HEPHL1: variants seen among roughly 807,000 people sequenced by gnomAD.
HEPHL1 encodes ferroxidase HEPHL1.
A neutral mutation model predicts 122.0 loss-of-function variants in HEPHL1; 123 were observed. The observed-to-expected ratio is 1.01, with a 90% confidence interval of 0.87 to 1.17. The LOEUF is 1.17. Ranked by LOEUF, HEPHL1 falls within the 50% of genes most tolerant of loss-of-function variation. HEPHL1 has a pLI of 0.00. For missense variants in HEPHL1, 1,452 were observed against 1,430.5 expected, an observed-to-expected ratio of 1.01 and a Z score of -0.24; for synonymous variants, 527 against 508.9, an observed-to-expected ratio of 1.04 and a Z score of -0.48.
At chr11:94,029,434 C>T (rs1383593680) in intron 1 of HEPHL1, among the ~76,000 whole-genome samples, 2 of 152,176 alleles carry the variant, frequency 1.3e-5, no homozygotes, top group East Asian at 1.9e-4. Context: ...AGCAGAATCA[C>T]TGTGGTCTTC....
intron 12 of HEPHL1, 50 bp downstream of exon 12, chr11:94,089,018 C>A (rs752971818): frequency 4.6e-6 from 7 of 1,522,226 alleles, no homozygotes; most frequent in Non-Finnish European, 5.5e-6. Context: ...GCGCATGCTC[C>A]GTAGGTCTTT....
intron 1 of HEPHL1, among the ~76,000 whole-genome samples, chr11:94,022,508 C>G (rs574319552): frequency 6.6e-6 from 1 of 152,318 alleles, no homozygotes; most frequent in Non-Finnish European, 1.5e-5. Flanking sequence ...AGCCAGGGCC[C>G]CTTGTCTTTG....
chr11:94,045,943 G>A, intron 2 of HEPHL1, 26 bp downstream of exon 2: 4 of 1,604,312 alleles, frequency 2.5e-6, no homozygotes, highest in South Asian at 1.1e-5. Flanking sequence ...TTATTACTGG[G>A]GTCTTGTCTC....
intron 2 of HEPHL1, among the ~76,000 whole-genome samples, chr11:94,061,968 T>C (rs1356407763): frequency 6.6e-6 from 1 of 152,156 alleles, no homozygotes; most frequent in Non-Finnish European, 1.5e-5. Context: ...TAATATATAT[T>C]AACTCTATAT....
At position 94,093,607 on chromosome 11, in the gene HEPHL1, C is replaced by G; in HGVS notation, c.2401C>G (p.Arg801Gly). ...TDGEFVEIKARPPREEHLELL... is the reference protein window; with the variant it reads ...TDGEFVEIKAGPPREEHLELL... Reference sequence around the variant, plus strand: ...TGGAGAATTTGTGGAGATCAAAGCCCGACCACCACGAGAGGAGCACTTAGA... The same window carrying G: ...TGGAGAATTTGTGGAGATCAAAGCCGGACCACCACGAGAGGAGCACTTAGA... Residue 801 changes from arginine (R) to glycine (G), a missense_variant, in exon 13 of 20, where the codon CGA becomes GGA. Coordinates refer to ENST00000315765, the MANE Select transcript of HEPHL1 (RefSeq NM_001098672.2). The G allele has an allele frequency of 1.2e-6, 2 of 1,613,460 alleles. No individual in the cohort carries two copies. Among genetic ancestry groups the G allele is most frequent in the Non-Finnish European group, 1.7e-6 (2 of 1,179,756 alleles).
rs146474207 is a variant in HEPHL1 at position 94,058,964 on chromosome 11, T to C, written c.416-4544T>C. 3.5e-3 allele frequency among the ~76,000 whole-genome samples: 538 copies of C among 152,192 alleles called. 1 individual carries two copies. Among genetic ancestry groups the C allele is most frequent in the Non-Finnish European group, 5.9e-3 (400 of 67,988 alleles). On this transcript the variant is annotated intron_variant, in intron 2 of 19. Coordinates refer to ENST00000315765, the MANE Select transcript of HEPHL1 (RefSeq NM_001098672.2). ...CACTAAATTAGTTCAAAATAGAAAA[T>C]TAAAGTGCCAAATGAACATGGTTAG...
intron 1 of HEPHL1, among the ~76,000 whole-genome samples, chr11:94,035,059 C>G (rs1945709237): frequency 6.6e-6 from 1 of 152,186 alleles, no homozygotes. Flanking sequence ...ATGCCTTAGC[C>G]AAGCACTCAA....
At chr11:94,096,707 G>T (rs1946319036) in intron 13 of HEPHL1, among the ~76,000 whole-genome samples, 1 of 152,160 alleles carries the variant, frequency 6.6e-6, no homozygotes, top group South Asian at 2.1e-4. Context: ...CACGTTATTG[G>T]TCTATTCAGT....
At position 94,101,210 on chromosome 11, in the gene HEPHL1, C is replaced by A. The variant is rs1946364641; in HGVS notation, c.2450C>A (p.Ala817Asp). 2.5e-6 allele frequency: 4 copies of A among 1,613,886 alleles called. No individual in the cohort carries two copies. The highest frequency in any genetic ancestry group is 2.5e-6 in the Non-Finnish European group (3 of 1,179,830). ...TTGCCTTTAGGCCCAATGATTCATG[C>A]TGAGGTGGGCAACACCGTCCTGATC... is the stretch of plus-strand genomic sequence containing the variant. ...HLELLGPMIH[A>D]EVGNTVLIIF... The change falls in exon 14 of 20, where the codon GCT (alanine) becomes GAT (aspartate). Residue 817 changes from alanine (A) to aspartate (D), a missense_variant. Ala to Asp is a moderately radical substitution (Grantham distance 126). Coordinates refer to ENST00000315765, the MANE Select transcript of HEPHL1 (RefSeq NM_001098672.2).
rs373980077 is a variant in HEPHL1, at chr11:94,093,660, C to T, written c.2434+20C>T. On this transcript the variant is annotated intron_variant, in intron 13 of 19. Coordinates refer to ENST00000315765, the MANE Select transcript of HEPHL1 (RefSeq NM_001098672.2). ...TCCTGGGTATGGCACAGATTTCAGG[C>T]GTGCACTGTCAGCCCCAAGCATGTG... is the stretch of plus-strand genomic sequence containing the variant. 8.7e-6 allele frequency: 14 copies of T among 1,606,234 alleles called. No individual in the cohort carries two copies. The highest frequency in any genetic ancestry group is 6.7e-5 in the East Asian group (3 of 44,760).
At chr11:94,026,826 T>C (rs1238205184) in intron 1 of HEPHL1, among the ~76,000 whole-genome samples, 2 of 152,196 alleles carry the variant, frequency 1.3e-5, no homozygotes, top group African/African-American at 4.8e-5. Flanking sequence ...CATTTAGAAT[T>C]CTTGCCCCAC....
chr11:94,094,186 C>T (rs1475468496), intron 13 of HEPHL1, among the ~76,000 whole-genome samples: 3 of 151,340 alleles, frequency 2.0e-5, no homozygotes, highest in Admixed American at 2.0e-4. Context: ...GTGTGATGTT[C>T]CCCTTCCTGT....
At chr11:94,064,688 G>T (rs980512855) in intron 4 of HEPHL1, among the ~76,000 whole-genome samples, 178 bp downstream of exon 4, 2 of 152,166 alleles carry the variant, frequency 1.3e-5, no homozygotes, top group African/African-American at 4.8e-5. Context: ...AACAATCTGA[G>T]GGGGACAGAG....
chr11:94,072,299 C>A (rs1946080763), intron 6 of HEPHL1, among the ~76,000 whole-genome samples: 1 of 151,864 alleles, frequency 6.6e-6, no homozygotes, highest in African/African-American at 2.4e-5. Context: ...GTGATTAGGG[C>A]ATGAACTGGG....
chr11:94,088,637 T>C, intron 11 of HEPHL1, 118 bp from the exon 12 acceptor site: 3 of 758,510 alleles, frequency 4.0e-6, no homozygotes, highest in Non-Finnish European at 6.3e-6. Context: ...ACAACTGGTA[T>C]TTTAAAAATC....
chr11:94,069,395 A>G (rs1486295219), intron 5 of HEPHL1, among the ~76,000 whole-genome samples: 2 of 152,166 alleles, frequency 1.3e-5, no homozygotes, highest in African/African-American at 2.4e-5. Context: ...TGCTGGGATT[A>G]TAGGCATGAG....
At chr11:94,076,371 C>T (rs2077381678) in intron 9 of HEPHL1, among the ~76,000 whole-genome samples, 1 of 152,168 alleles carries the variant, frequency 6.6e-6, no homozygotes, top group Admixed American at 6.6e-5. Context: ...CAGTAAAACA[C>T]AGGACCTTGA....
At position 94,095,147 on chromosome 11, in the gene HEPHL1, T is replaced by A. The variant is rs576217245; in HGVS notation, c.2434+1507T>A. Reference sequence around the variant, plus strand: ...GTTTTAGGTCTAACATTTAAGTCTTTAATCAATCTTGAATTAATTTTTGTA... The same window carrying A: ...GTTTTAGGTCTAACATTTAAGTCTTAAATCAATCTTGAATTAATTTTTGTA... On this transcript the variant is annotated intron_variant, in intron 13 of 19. Transcript: ENST00000315765. Among the ~76,000 whole-genome samples, 553 of 152,338 alleles carry A rather than the reference T, an allele frequency of 3.6e-3. 4 individuals carry two copies. The highest frequency in any genetic ancestry group is 0.012 in the African/African-American group (514 of 41,578).
chr11:94,082,184 C>T (rs1008306839), intron 9 of HEPHL1, among the ~76,000 whole-genome samples: 3 of 152,182 alleles, frequency 2.0e-5, no homozygotes, highest in Non-Finnish European at 4.4e-5. Context: ...GCCTTCTAAG[C>T]AGGGGCTGAT....
Sources: gnomAD v4.1 joint callset for allele counts (sites outside exome capture counted in the v4.1 genomes callset) on GRCh38, gnomAD v4.1.1 for gene constraint, MANE v1.5 for transcripts, NCBI Gene and HGNC (gene_info 2026-07-23, HGNC 2026-07-21) for gene names.